MMUT: variants seen among roughly 807,000 people sequenced by gnomAD.
MMUT encodes methylmalonyl-CoA mutase, mitochondrial.
A neutral mutation model predicts 79.9 loss-of-function variants in MMUT; 79 were observed. The observed-to-expected ratio is 0.99, with a 90% CI of 0.82 to 1.19. The LOEUF is 1.19. Ranked by LOEUF, MMUT falls within the 50% of genes most tolerant of loss-of-function variation. MMUT has a pLI of 0.00. For missense variants in MMUT, 860 were observed against 917.2 expected (o/e 0.94, Z 0.81); for synonymous variants, 273 against 295.7 (o/e 0.92, Z 0.79).
In MMUT at chr6:49,441,884, G is replaced by T; in HGVS notation, c.1764C>A (p.Arg588=). ...ANDRMVSGAY[R]QEFGESKEIT... is the part of the protein sequence containing the mutation. ...TCTCTTTACTTTCTCCAAATTCCTGGCGATATGCTCCACTCACCATTCGAT... is the reference window on the plus strand; with the variant it reads ...TCTCTTTACTTTCTCCAAATTCCTGTCGATATGCTCCACTCACCATTCGAT... The change falls in exon 10 of 13, where the codon CGC becomes CGA. Residue 588 remains arginine, a synonymous_variant. Coordinates refer to ENST00000274813, the MANE Select transcript of MMUT (RefSeq NM_000255.4). The T allele has an allele frequency of 6.2e-7, 1 of 1,611,848 alleles. No individual in the cohort carries two copies. The highest frequency in any genetic ancestry group is 8.5e-7 in the Non-Finnish European group (1 of 1,178,682).
At position 49,434,664 on chromosome 6, in the gene MMUT, T is replaced by C. The variant is rs1296644337; in HGVS notation, c.2124+792A>G. On this transcript the variant is annotated intron_variant, in intron 12 of 12. Coordinates refer to ENST00000274813, the MANE Select transcript of MMUT (RefSeq NM_000255.4). Reference sequence around the variant, plus strand: ...AACCTATTTGTATTTTAAATAACTATTTTAACTGGCCAGGAATGTCATATG... The same window carrying C: ...AACCTATTTGTATTTTAAATAACTACTTTAACTGGCCAGGAATGTCATATG... 3.3e-5 allele frequency among the ~76,000 whole-genome samples: 5 copies of C among 152,212 alleles called. No individual in the cohort carries two copies. The South Asian group carries it at 8.3e-4, about 25-fold the overall frequency.
At position 49,456,106 on chromosome 6, in the gene MMUT, G is replaced by A; in HGVS notation, c.885C>T (p.Gly295=). 1 of 1,613,538 alleles carries A rather than the reference G, an allele frequency of 6.2e-7. No homozygotes were observed. The highest frequency in any genetic ancestry group is 8.5e-7 in the Non-Finnish European group (1 of 1,179,594). The part of the protein sequence containing the change: ...LEYSRTGLQA[G]LTIDEFAPRL... ...TTGGTGCAAATTCATCAATTGTCAG[G>A]CCAGCCTGGAGTCCAGTTCTAGAGT... Residue 295 remains glycine, a synonymous_variant, in exon 4 of 13, where the codon GGC becomes GGT. Transcript: ENST00000274813.
At chr6:49,451,818 T>C in intron 5 of MMUT, 104 bp from the exon 6 acceptor site, 1 of 1,220,860 alleles carries the variant, frequency 8.2e-7, no homozygotes, top group South Asian at 1.3e-5. Context: ...ATTTTCTATG[T>C]CAATTTCCAT....
rs1218223188 is a variant in MMUT, at chr6:49,447,814, T to A, written c.1445-29A>T. ...GTAATTTCCCAAAGAAAAATTTTAT[T>A]CACAAATAATTACCTAATTGTAATG... On this transcript the variant is annotated intron_variant, in intron 7 of 12. Transcript: ENST00000274813. 4.1e-6 allele frequency: 5 copies of A among 1,232,772 alleles called. No individual in the cohort carries two copies. In the African/African-American group the frequency reaches 7.4e-5, roughly 18 times the overall value. The allele number at this position is 1,232,772 out of a possible 1,614,324, so 76.4% of individuals were successfully genotyped here. A position where few individuals can be genotyped will look rare whatever the true frequency, so the allele number is the denominator to read the frequency against.
chr6:49,441,403 A>C (rs1034404177), intron 10 of MMUT, among the ~76,000 whole-genome samples: 1 of 151,996 alleles, frequency 6.6e-6, no homozygotes, highest in Non-Finnish European at 1.5e-5. Flanking sequence ...CTACCATAGT[A>C]AGCAGATTGA....
intron 1 of MMUT, among the ~76,000 whole-genome samples, 200 bp downstream of exon 1, chr6:49,462,903 C>A (rs1009862302): frequency 6.6e-6 from 1 of 152,116 alleles, no homozygotes; most frequent in African/African-American, 2.4e-5. Flanking sequence ...GGGACTTCGC[C>A]CAAAACTAGA....
Position 49,463,106 on chromosome 6 carries a change from T to TA in MMUT, c.-44dup, listed in dbSNP as rs1389245120. 2 of 152,330 alleles carry TA rather than the reference T, an allele frequency of 1.3e-5. No homozygotes were observed. Among genetic ancestry groups the TA allele is most frequent in the Middle Eastern group, 3.2e-3 (1 of 316 alleles). 9.4% of individuals were successfully genotyped at this position (152,330 alleles called of 1,614,324 possible). A position where few individuals can be genotyped will look rare whatever the true frequency, so the allele number is the denominator to read the frequency against. On this transcript the variant is annotated 5_prime_UTR_variant, in exon 1 of 13. Transcript: ENST00000274813. Reference sequence around the variant, plus strand: ...GAAAGGTGTACGTCCTACTCACTGGTAGGCCTGTTTTGGACTCCGCTGTGG... The same window carrying TA: ...GAAAGGTGTACGTCCTACTCACTGGTAAGGCCTGTTTTGGACTCCGCTGTGG...
In MMUT at chr6:49,459,101, G is replaced by C. The variant is rs368780480; in HGVS notation, c.366C>G (p.Phe122Leu). 1 of 1,613,874 alleles carries C rather than the reference G, an allele frequency of 6.2e-7. No individual in the cohort carries two copies. Among genetic ancestry groups the C allele is most frequent in the Non-Finnish European group, 8.5e-7 (1 of 1,179,968 alleles). Residue 122 changes from phenylalanine to leucine, a missense_variant, in exon 2 of 13, where the codon TTC (phenylalanine) becomes TTG (leucine). By Grantham distance (22) the Phe-to-Leu change is conservative. Coordinates refer to ENST00000274813, the MANE Select transcript of MMUT (RefSeq NM_000255.4). ...GFSTVEESNK[F>L]YKDNIKAGQQ... ...TCTCACCCTTAATGTTGTCCTTATA[G>C]AACTTATTGCTTTCTTCCACAGTAC...
intron 8 of MMUT, among the ~76,000 whole-genome samples, chr6:49,446,662 T>C (rs1207370681): frequency 2.0e-5 from 3 of 151,858 alleles, no homozygotes; most frequent in Non-Finnish European, 4.4e-5. Flanking sequence ...TAGTACAGTA[T>C]GGGTACACAG....
At chr6:49,437,920 G>T (rs1167674518) in intron 11 of MMUT, among the ~76,000 whole-genome samples, 2 of 152,160 alleles carry the variant, frequency 1.3e-5, no homozygotes, top group East Asian at 3.9e-4. Context: ...TGTAACAAGT[G>T]AGGTGCCCTC....
chr6:49,453,039 G>GTTTTTTTTTTTTTTTTT (rs5876116), intron 5 of MMUT, among the ~76,000 whole-genome samples: 1 of 116,188 alleles, frequency 8.6e-6, no homozygotes, highest in Non-Finnish European at 1.8e-5. Flanking sequence ...TTCTTTCTTT[G>GTTTTTTTTTTTTTTTTT]TTTTTTTTTT....
At chr6:49,435,304 C>A (rs1332426693) in intron 12 of MMUT, 152 bp downstream of exon 12, 1 of 786,436 alleles carries the variant, frequency 1.3e-6, no homozygotes, top group South Asian at 1.6e-5. Flanking sequence ...CAAAACAACA[C>A]TGTCCACTTT....
intron 4 of MMUT, among the ~76,000 whole-genome samples, chr6:49,454,890 T>G (rs1266598968): frequency 6.6e-6 from 1 of 151,898 alleles, no homozygotes; most frequent in African/African-American, 2.4e-5. Flanking sequence ...ACAGGAAAAC[T>G]TAAAACTTAG....
chr6:49,455,387 C>T (rs1767660882), intron 4 of MMUT, among the ~76,000 whole-genome samples: 1 of 152,266 alleles, frequency 6.6e-6, no homozygotes, highest in African/African-American at 2.4e-5. Flanking sequence ...TAGCAATGCC[C>T]AACTGTTCTT....
intron 12 of MMUT, among the ~76,000 whole-genome samples, chr6:49,435,234 T>C (rs763175902): frequency 3.3e-5 from 5 of 152,254 alleles, no homozygotes; most frequent in Non-Finnish European, 7.3e-5. Flanking sequence ...GTTCTCTCAT[T>C]GAAGCTTTGT....
At chr6:49,444,174 G>A (rs76804522) in intron 9 of MMUT, among the ~76,000 whole-genome samples, 1 of 151,902 alleles carries the variant, frequency 6.6e-6, no homozygotes, top group African/African-American at 2.4e-5. Context: ...GGACTGGGAG[G>A]GGGGTGTGGG....
At chr6:49,454,224 C>T (rs1471775412) in intron 4 of MMUT, among the ~76,000 whole-genome samples, 1 of 152,156 alleles carries the variant, frequency 6.6e-6, no homozygotes, top group Non-Finnish European at 1.5e-5. Context: ...TCCCTTTTAT[C>T]TTATATTCTG....
chr6:49,438,753 T>G (rs1309468177), intron 11 of MMUT, among the ~76,000 whole-genome samples: 2 of 152,084 alleles, frequency 1.3e-5, no homozygotes, highest in East Asian at 3.9e-4. Context: ...ACCCTTAATC[T>G]GGGTGGGCAC....
intron 5 of MMUT, among the ~76,000 whole-genome samples, chr6:49,453,295 A>C (rs1281166496): frequency 1.3e-5 from 2 of 151,908 alleles, no homozygotes; most frequent in Non-Finnish European, 2.9e-5. Context: ...TACTGGTGTG[A>C]GCCAACTCGC....
Sources: allele counts gnomAD v4.1 joint callset (sites outside exome capture counted in the v4.1 genomes callset), GRCh38; gene constraint gnomAD v4.1.1; transcripts MANE v1.5; gene names NCBI Gene and HGNC (gene_info 2026-07-23, HGNC 2026-07-21).